Variants in TNS1 observed in about 807,000 individuals in gnomAD.
The protein encoded by TNS1 is tensin-1.
In TNS1, 62 loss-of-function variants were observed where a neutral mutation model predicts 168.6. The ratio of observed to expected loss-of-function variants is 0.37; its 90% CI spans 0.30 to 0.45. TNS1 has a LOEUF of 0.45. TNS1 is among the 20% of genes least tolerant of loss of function. TNS1 has a pLI of 1.00. For synonymous variants in TNS1, 934 were observed against 933.2 expected (o/e 1.00, Z -0.02); for missense variants, 2,240 against 2,339.4 (o/e 0.96, Z 0.88).
intron 2 of TNS1, among the ~76,000 whole-genome samples, chr2:217,983,187 G>A (rs966150594): frequency 6.6e-6 from 1 of 152,174 alleles, no homozygotes; most frequent in Non-Finnish European, 1.5e-5. Context: ...TCAGAAGGAT[G>A]GGGACATGCA....
rs1050075048 is a variant in TNS1, at chr2:218,033,895, G to C, written c.81C>G (p.Pro27=). Residue 27 remains proline, a synonymous_variant, in exon 1 of 2, where the codon CCC becomes CCG. Coordinates refer to the TNS1 transcript ENST00000649572. The surrounding 1 kb of genome is among the most constrained non-coding windows in gnomAD (Gnocchi z 4.3). ...AGCACTCAGCCCGCGCCGAGACCCA[G>C]GGACTCCCCGGGGGCTGGGGACCGC... Among the ~76,000 whole-genome samples the C allele has an allele frequency of 6.6e-6, 1 of 152,192 alleles. No individual in the cohort carries two copies. Among genetic ancestry groups the C allele is most frequent in the African/African-American group, 2.4e-5 (1 of 41,458 alleles).
chr2:217,984,271 G>A lies in TNS1; in HGVS notation c.149-5469C>T, dbSNP rs543679212. ...ATACAAGGTGTCTCAGGGGATGGTC[G>A]GGGGACATGGTGTGGCTCTGAAGTA... On this transcript the variant is annotated intron_variant, in intron 2 of 32. Coordinates refer to ENST00000682258, the MANE Select transcript of TNS1 (RefSeq NM_001387777.1). 3.0e-4 allele frequency among the ~76,000 whole-genome samples: 45 copies of A among 152,262 alleles called. No individual in the cohort carries two copies. The Middle Eastern group carries it at 0.01, about 35-fold the overall frequency.
At chr2:218,004,356 AG>A (rs1418973670), upstream of TNS1, among the ~76,000 whole-genome samples, 16 of 151,744 alleles carry the variant, frequency 1.1e-4, no homozygotes, top group African/African-American at 3.9e-4. Context: ...GAAGGGTTAC[AG>A]ATCCCCTGCC....
intron 6 of TNS1, among the ~76,000 whole-genome samples, chr2:217,904,271 G>A (rs1953389966): frequency 6.6e-6 from 1 of 152,216 alleles, no homozygotes; most frequent in Admixed American, 6.5e-5. Flanking sequence ...CTCGGCAGGA[G>A]GAAAACAGCC....
At chr2:218,031,400 AGT>A (rs777186109) in intron 1 of TNS1, among the ~76,000 whole-genome samples, 29 of 140,234 alleles carry the variant, frequency 2.1e-4, no homozygotes, top group Non-Finnish European at 4.2e-4. Flanking sequence ...GTCTTGTGTG[AGT>A]GTGTGAGTGC....
chr2:217,859,694 G>A (rs753486791), intron 18 of TNS1: 17 of 1,535,806 alleles, frequency 1.1e-5, no homozygotes, highest in African/African-American at 9.6e-5. Flanking sequence ...TATTCTGTTT[G>A]TTCCCATCTG....
intron 3 of TNS1, among the ~76,000 whole-genome samples, chr2:217,957,840 CAAAA>C (rs35149245): frequency 2.0e-3 from 146 of 74,206 alleles, no homozygotes; most frequent in African/African-American, 4.2e-3. Flanking sequence ...AGTACTCCCG[CAAAA>C]AAAAAAAAAA....
intron 18 of TNS1, among the ~76,000 whole-genome samples, chr2:217,867,102 G>A (rs1254444206): frequency 6.6e-6 from 1 of 152,174 alleles, no homozygotes; most frequent in Non-Finnish European, 1.5e-5. Context: ...GAGAACTCAG[G>A]TCACAGGAGA....
chr2:217,945,762 C>T (rs1018670113), intron 3 of TNS1, among the ~76,000 whole-genome samples: 2 of 152,154 alleles, frequency 1.3e-5, no homozygotes, highest in African/African-American at 4.8e-5. Context: ...CCCAACTCTA[C>T]GGCAAAGGTG....
At position 217,863,638 on chromosome 2, in the gene TNS1, G is replaced by A. The variant is rs183734869; in HGVS notation, c.1430-14551C>T. On this transcript the variant is annotated intron_variant, in intron 18 of 32. Transcript: ENST00000682258. The stretch of plus-strand genomic sequence containing the variant: ...CCACTACTTCACTGCTTAAACTTGG[G>A]CAAGTGATTTCCTTTTCCTGGGACT... Among the ~76,000 whole-genome samples, 327 of 152,240 alleles carry A rather than the reference G, an allele frequency of 2.1e-3. 9 individuals are homozygous for A. The highest frequency in any genetic ancestry group is 0.021 in the Admixed American group (324 of 15,300).
intron 18 of TNS1, among the ~76,000 whole-genome samples, chr2:217,851,852 A>G (rs1947542961): frequency 6.6e-6 from 1 of 152,116 alleles, no homozygotes; most frequent in Non-Finnish European, 1.5e-5. Flanking sequence ...CACATAAAAG[A>G]AGAGACCTCA....
chr2:217,983,981 C>T (rs1456074595), intron 2 of TNS1, among the ~76,000 whole-genome samples: 3 of 152,188 alleles, frequency 2.0e-5, no homozygotes, highest in Non-Finnish European at 4.4e-5. Context: ...GAATAAAGCA[C>T]ATGACCCTCC....
chr2:217,944,091 C>G (rs1957039016), intron 3 of TNS1: 1 of 152,378 alleles, frequency 6.6e-6, no homozygotes, highest in Non-Finnish European at 1.5e-5. Context: ...CTCTGCTAGT[C>G]GGGTTCCCTC....
At chr2:217,838,575 T>C (rs565381625) in intron 19 of TNS1, among the ~76,000 whole-genome samples, 1 of 152,338 alleles carries the variant, frequency 6.6e-6, no homozygotes, top group Non-Finnish European at 1.5e-5. Context: ...GGTAAGACCC[T>C]GCATTCCACT....
intron 24 of TNS1, 128 bp downstream of exon 24, chr2:217,817,562 C>T: frequency 1.3e-6 from 1 of 751,200 alleles, no homozygotes; most frequent in Non-Finnish European, 2.1e-6. Flanking sequence ...AAACTAAGTC[C>T]CAGAAGTCAG....
intron 3 of TNS1, among the ~76,000 whole-genome samples, chr2:217,947,207 C>T (rs1957132451): frequency 1.4e-5 from 2 of 144,708 alleles, no homozygotes; most frequent in South Asian, 2.5e-4. Context: ...GTTCCAGTTG[C>T]GGTTGGTCCC....
intron 20 of TNS1, 51 bp from the exon 21 acceptor site, chr2:217,835,217 T>G: frequency 6.4e-7 from 1 of 1,555,812 alleles, no homozygotes; most frequent in Non-Finnish European, 8.8e-7. Context: ...GAAGGAGAGA[T>G]TTCCCCTTCA....
intron 18 of TNS1, among the ~76,000 whole-genome samples, chr2:217,876,959 A>G (rs993273556): frequency 2.0e-5 from 3 of 152,170 alleles, no homozygotes; most frequent in African/African-American, 4.8e-5. Flanking sequence ...AGAGCAGATT[A>G]ATAATACTTC....
chr2:217,950,380 A>G (rs1957210001), intron 3 of TNS1, among the ~76,000 whole-genome samples: 1 of 152,126 alleles, frequency 6.6e-6, no homozygotes, highest in Non-Finnish European at 1.5e-5. Flanking sequence ...CTGAATGGCC[A>G]AGAGGTAGAA....
Sources: gnomAD v4.1 joint callset for allele counts (sites outside exome capture counted in the v4.1 genomes callset) on GRCh38, gnomAD v4.1.1 for gene constraint, Gnocchi (gnomAD v3.1) non-coding constraint, MANE v1.5 for transcripts, NCBI Gene and HGNC (gene_info 2026-07-23, HGNC 2026-07-21) for gene names.